DIP2C: variants seen among roughly 807,000 people sequenced by gnomAD.
The protein encoded by DIP2C is DIP2 acetate--CoA ligase C (putative), also known as disco-interacting protein 2 homolog C.
In DIP2C, 33 loss-of-function variants were observed where a neutral mutation model predicts 192.4. The observed-to-expected ratio is 0.17, with a 90% confidence interval of 0.13 to 0.23. DIP2C has a LOEUF of 0.23. Ranked by LOEUF, DIP2C falls within the 10% of genes least tolerant of loss-of-function variation. DIP2C has a pLI of 1.00. For missense variants in DIP2C, 1,537 were observed against 2,110.1 expected, an observed-to-expected ratio of 0.73 and a Z score of 5.32; for synonymous variants, 979 against 864.1, an observed-to-expected ratio of 1.13 and a Z score of -2.33.
chr10:601,875 G>C (rs1024104939), intron 1 of DIP2C, among the ~76,000 whole-genome samples: 1 of 152,174 alleles, frequency 6.6e-6, no homozygotes, highest in African/African-American at 2.4e-5. Flanking sequence ...CCTCAGGCTC[G>C]GGTAAGGAGA....
chr10:633,401 G>A (rs1021136325), intron 1 of DIP2C, among the ~76,000 whole-genome samples: 6 of 151,924 alleles, frequency 3.9e-5, no homozygotes, highest in Non-Finnish European at 7.4e-5. Flanking sequence ...GCCGCAGAGC[G>A]GACGCGGGGA....
intron 31 of DIP2C, among the ~76,000 whole-genome samples, chr10:326,474 G>C (rs538533680): frequency 6.6e-6 from 1 of 152,190 alleles, no homozygotes; most frequent in Non-Finnish European, 1.5e-5. Context: ...TATTCTTCCA[G>C]GAAGGAAATC....
intron 1 of DIP2C, among the ~76,000 whole-genome samples, chr10:508,117 T>TCC (rs1319009934): frequency 2.9e-5 from 4 of 139,492 alleles, no homozygotes; most frequent in African/African-American, 9.7e-5. Flanking sequence ...CCCAACGCCT[T>TCC]CCTCCCTCAC....
intron 1 of DIP2C, among the ~76,000 whole-genome samples, chr10:512,657 G>T (rs1846090364): frequency 6.6e-6 from 1 of 151,994 alleles, no homozygotes; most frequent in Non-Finnish European, 1.5e-5. Flanking sequence ...CTCACGCCTG[G>T]AATCCCAGCA....
chr10:341,897 A>G (rs1302754239), intron 28 of DIP2C, among the ~76,000 whole-genome samples: 1 of 152,180 alleles, frequency 6.6e-6, no homozygotes. Context: ...TTTAGAGAAC[A>G]AAACCCAAAA....
rs563792221 is a variant in DIP2C, at chr10:596,723, G to A, written c.85+92771C>T. Among the ~76,000 whole-genome samples the A allele has an allele frequency of 7.9e-5, 12 of 152,180 alleles. No homozygotes were observed. In the East Asian group the frequency reaches 1.7e-3, roughly 22 times the overall value. Reference sequence around the variant, plus strand: ...ATAGGGAACAGATGCTGCGGGAAGTGGAACTGGCTTCACAGAGCACCCGGC... The same window carrying A: ...ATAGGGAACAGATGCTGCGGGAAGTAGAACTGGCTTCACAGAGCACCCGGC... On this transcript the variant is annotated intron_variant, in intron 1 of 36. Coordinates refer to ENST00000280886, the MANE Select transcript of DIP2C (RefSeq NM_014974.3).
At chr10:397,837 A>AG (rs1472973052) in intron 10 of DIP2C, among the ~76,000 whole-genome samples, 3 of 152,204 alleles carry the variant, frequency 2.0e-5, no homozygotes, top group Non-Finnish European at 2.9e-5. Flanking sequence ...CTCTTCCCTC[A>AG]GCCAAGGACA....
chr10:449,920 C>CAACAAAAAAAAAAAAAAAAAAA (rs1408389732), intron 3 of DIP2C, among the ~76,000 whole-genome samples: 7 of 135,926 alleles, frequency 5.1e-5, no homozygotes, highest in African/African-American at 2.1e-4. Flanking sequence ...TCAACAACAA[C>CAACAAAAAAAAAAAAAAAAAAA]AAAAAAAAAA....
At chr10:657,133 C>A (rs1270779908) in intron 1 of DIP2C, among the ~76,000 whole-genome samples, 1 of 151,456 alleles carries the variant, frequency 6.6e-6, no homozygotes, top group African/African-American at 2.4e-5. Flanking sequence ...GGACCTGCCA[C>A]TGGACCTGCC....
At chr10:604,957 G>C (rs1343939615) in intron 1 of DIP2C, among the ~76,000 whole-genome samples, 1 of 152,148 alleles carries the variant, frequency 6.6e-6, no homozygotes, top group Non-Finnish European at 1.5e-5. Context: ...TCAGCCCAAG[G>C]GTGCGGGGAA....
chr10:525,585 C>T lies in DIP2C; in HGVS notation c.86-39055G>A, dbSNP rs79434127. Reference sequence around the variant, plus strand: ...TCTGAATATGATCTTGGCTGCTTTACAAGACTTCAGAATTTTCCTCATCTG... The same window carrying T: ...TCTGAATATGATCTTGGCTGCTTTATAAGACTTCAGAATTTTCCTCATCTG... On this transcript the variant is annotated intron_variant, in intron 1 of 36. Transcript: ENST00000280886. Among the ~76,000 whole-genome samples, 951 of 152,328 alleles carry T rather than the reference C, an allele frequency of 6.2e-3. 11 individuals are homozygous for T. The highest frequency in any genetic ancestry group is 0.022 in the African/African-American group (920 of 41,570).
At chr10:308,074 T>C (rs1308582716) in intron 32 of DIP2C, among the ~76,000 whole-genome samples, 5 of 150,960 alleles carry the variant, frequency 3.3e-5, no homozygotes, top group Admixed American at 1.3e-4. Context: ...CAGCACACGG[T>C]CCATCTGGAG....
At position 274,888 on chromosome 10, in the gene DIP2C, T is replaced by A. The variant is rs1954432170; in HGVS notation, c.*2437A>T. The A allele has an allele frequency of 6.6e-6, 1 of 152,240 alleles. No individual in the cohort carries two copies. Among genetic ancestry groups the A allele is most frequent in the Non-Finnish European group, 1.5e-5 (1 of 68,042 alleles). 9.4% of individuals were successfully genotyped at this position (152,240 alleles called of 1,614,324 possible). On this transcript the variant is annotated 3_prime_UTR_variant, in exon 37 of 37. Coordinates refer to ENST00000280886, the MANE Select transcript of DIP2C (RefSeq NM_014974.3). ...TTTACAATCTCATGAATGATTTATC[T>A]ACAGTACAATTTTGAATACAGAATG...
At chr10:332,716 A>G (rs775141738) in intron 29 of DIP2C, among the ~76,000 whole-genome samples, 2 of 152,236 alleles carry the variant, frequency 1.3e-5, no homozygotes, top group Non-Finnish European at 2.9e-5. Context: ...TTCGCACATT[A>G]GCAATTTGAT....
At chr10:556,021 G>A (rs190271181) in intron 1 of DIP2C, among the ~76,000 whole-genome samples, 2 of 152,148 alleles carry the variant, frequency 1.3e-5, no homozygotes, top group Admixed American at 6.5e-5. Context: ...TTACAGTCCA[G>A]TCGCAGCAGA....
At chr10:534,809 T>C (rs919282656) in intron 1 of DIP2C, among the ~76,000 whole-genome samples, 4 of 151,842 alleles carry the variant, frequency 2.6e-5, no homozygotes, top group Non-Finnish European at 5.9e-5. Context: ...CCCGAGTAGC[T>C]GGGACTACAG....
At chr10:442,514 G>C (rs1253137555) in intron 3 of DIP2C, among the ~76,000 whole-genome samples, 1 of 152,080 alleles carries the variant, frequency 6.6e-6, no homozygotes, top group Non-Finnish European at 1.5e-5. Context: ...ATCACTTTTT[G>C]TTTTGCATAT....
Position 604,172 on chromosome 10 carries a change from ACTGT to A in DIP2C, c.85+85318_85+85321del, listed in dbSNP as rs199644232. ...ACAATCCAGGGTCCTCCCCCATCTC[ACTGT>A]CTGTTACGCAGTCACATCTCCAAAG... On this transcript the variant is annotated intron_variant, in intron 1 of 36. Transcript: ENST00000280886. Among the ~76,000 whole-genome samples the A allele has an allele frequency of 1.8e-3, 281 of 152,034 alleles. 9 individuals carry two copies. In the East Asian group the frequency reaches 0.045, roughly 24 times the overall value.
rs1958137967 is a variant in DIP2C at position 341,392 on chromosome 10, A to G, written c.3454-63T>C. 7 of 1,603,852 alleles carry G rather than the reference A, an allele frequency of 4.4e-6. No individual in the cohort carries two copies. In the Admixed American group the frequency reaches 5.0e-5, roughly 12 times the overall value. On this transcript the variant is annotated intron_variant, in intron 28 of 36. Coordinates refer to ENST00000280886, the MANE Select transcript of DIP2C (RefSeq NM_014974.3). The stretch of plus-strand genomic sequence containing the variant: ...GACACCCTCAGACACCCGGGACAAT[A>G]CGGGGCTGCAGGGAACGCAAGGCTG...
Sources: gnomAD v4.1 joint callset for allele counts (sites outside exome capture counted in the v4.1 genomes callset) on GRCh38, gnomAD v4.1.1 for gene constraint, MANE v1.5 for transcripts, NCBI Gene and HGNC (gene_info 2026-07-23, HGNC 2026-07-21) for gene names.